The following CACNA2D3 variants were observed in gnomAD, a reference collection of about 807,000 sequenced individuals.
CACNA2D3 encodes calcium voltage-gated channel auxiliary subunit alpha2delta 3.
In CACNA2D3, 60 loss-of-function variants were observed where a neutral mutation model predicts 160.6. The ratio of observed to expected loss-of-function variants is 0.37; its 90% CI spans 0.30 to 0.46. The LOEUF (loss-of-function observed/expected upper bound fraction) is 0.46, where lower values mean the gene tolerates loss of function less well. Among genes scored for constraint, CACNA2D3 ranks in the 20% least tolerant of loss-of-function variants. CACNA2D3 has a pLI of 1.00. For synonymous variants in CACNA2D3, 558 were observed against 492.9 expected (o/e 1.13, Z -1.75); for missense variants, 1,205 against 1,365.0 (o/e 0.88, Z 1.85).
chr3:54,845,224 A>T (rs962100296), intron 16 of CACNA2D3, among the ~76,000 whole-genome samples: 4 of 152,244 alleles, frequency 2.6e-5, no homozygotes, highest in Admixed American at 1.3e-4. Context: ...AGTGCAACGG[A>T]AACTTTTAAT....
chr3:54,716,697 G>C (rs1363571090), intron 11 of CACNA2D3, among the ~76,000 whole-genome samples: 11 of 152,058 alleles, frequency 7.2e-5, no homozygotes, highest in Admixed American at 7.2e-4. Context: ...ATCAGTTTAG[G>C]AACAAAAGTA....
chr3:54,807,630 T>C (rs886971730), intron 13 of CACNA2D3, among the ~76,000 whole-genome samples: 1 of 151,506 alleles, frequency 6.6e-6, no homozygotes, highest in Non-Finnish European at 1.5e-5. Context: ...GTTCAACCAT[T>C]GTGGAAGTCA....
At chr3:54,289,757 A>G (rs1354919579) in intron 2 of CACNA2D3, among the ~76,000 whole-genome samples, 2 of 152,186 alleles carry the variant, frequency 1.3e-5, no homozygotes, top group Admixed American at 6.5e-5. Context: ...AATGCCGCAT[A>G]TCTACAACCA....
rs1473908220 is a variant in CACNA2D3 at position 54,838,492 on chromosome 3, G to A, written c.1471-76G>A. 4 of 1,170,906 alleles carry A rather than the reference G, an allele frequency of 3.4e-6. No homozygotes were observed. The East Asian group carries it at 7.0e-5, about 20-fold the overall frequency. 72.5% of individuals were successfully genotyped at this position (1,170,906 alleles called of 1,614,324 possible). On this transcript the variant is annotated intron_variant, in intron 15 of 37. Coordinates refer to ENST00000474759, the MANE Select transcript of CACNA2D3 (RefSeq NM_018398.3). ...GGGGAAGGCACCAGGCAGACGGTATGTGACTTCTCGTGAGATTCTATTTCT... is the reference window on the plus strand; with the variant it reads ...GGGGAAGGCACCAGGCAGACGGTATATGACTTCTCGTGAGATTCTATTTCT...
chr3:54,934,793 G>A (rs532280675), intron 27 of CACNA2D3, among the ~76,000 whole-genome samples: 16 of 152,178 alleles, frequency 1.1e-4, no homozygotes, highest in African/African-American at 2.9e-4. Flanking sequence ...GTGCAGTGGC[G>A]CTATCGTAGC....
rs138735874 is a variant in CACNA2D3 at position 54,740,707 on chromosome 3, A to G, written c.1168-11892A>G. Among the ~76,000 whole-genome samples, 338 of 152,304 alleles carry G rather than the reference A, an allele frequency of 2.2e-3. 1 individual carries two copies. Among genetic ancestry groups the G allele is most frequent in the African/African-American group, 7.7e-3 (321 of 41,564 alleles). ...TGAGTCCTTGACTTTTCTTACTGAC[A>G]GAAGTCCCAGAAGGCAGTAGGTGAG... On this transcript the variant is annotated intron_variant, in intron 11 of 37. Transcript: ENST00000474759.
intron 11 of CACNA2D3, among the ~76,000 whole-genome samples, chr3:54,748,233 C>G (rs1295728355): frequency 1.3e-5 from 2 of 152,184 alleles, no homozygotes; most frequent in African/African-American, 4.8e-5. Flanking sequence ...CTTCCTTCCC[C>G]TAATTTTAAT....
chr3:54,492,526 A>C (rs1391031150), intron 4 of CACNA2D3, among the ~76,000 whole-genome samples: 1 of 152,172 alleles, frequency 6.6e-6, no homozygotes. Context: ...CCCGGCCTGA[A>C]GAGTTGATTG....
chr3:54,211,105 T>A (rs1244124966), intron 2 of CACNA2D3, among the ~76,000 whole-genome samples: 1 of 152,190 alleles, frequency 6.6e-6, no homozygotes, highest in Non-Finnish European at 1.5e-5. Flanking sequence ...ATAATTGATA[T>A]TAGTTTATCC....
At chr3:54,914,536 C>T (rs1439247683) in intron 27 of CACNA2D3, among the ~76,000 whole-genome samples, 2 of 151,840 alleles carry the variant, frequency 1.3e-5, no homozygotes, top group Non-Finnish European at 2.9e-5. Flanking sequence ...TGGAGTAAAA[C>T]GTAGATATGA....
chr3:55,001,738 T>G (rs1702983373), intron 31 of CACNA2D3, among the ~76,000 whole-genome samples: 1 of 152,250 alleles, frequency 6.6e-6, no homozygotes, highest in Non-Finnish European at 1.5e-5. Flanking sequence ...TTAACAACGT[T>G]GGCACACTTA....
chr3:54,133,011 C>T (rs143751233), intron 2 of CACNA2D3, among the ~76,000 whole-genome samples: 2 of 152,204 alleles, frequency 1.3e-5, no homozygotes, highest in East Asian at 1.9e-4. Context: ...TTATTATTCT[C>T]AAGGAGTTGC....
At chr3:54,739,175 T>A (rs1701590616) in intron 11 of CACNA2D3, among the ~76,000 whole-genome samples, 1 of 151,038 alleles carries the variant, frequency 6.6e-6, no homozygotes, top group Non-Finnish European at 1.5e-5. Context: ...GTGGAGGCAC[T>A]TGGGGAGGCC....
At chr3:54,198,003 G>C (rs1701111297) in intron 2 of CACNA2D3, among the ~76,000 whole-genome samples, 1 of 152,198 alleles carries the variant, frequency 6.6e-6, no homozygotes, top group Non-Finnish European at 1.5e-5. Context: ...TGTGTCTTTG[G>C]ACGTGATGAA....
intron 35 of CACNA2D3, among the ~76,000 whole-genome samples, chr3:55,034,694 A>G (rs1251721221): frequency 6.6e-6 from 1 of 152,022 alleles, no homozygotes; most frequent in Non-Finnish European, 1.5e-5. Context: ...GCCTTTTTAA[A>G]CTTGAAATGT....
rs114176841 is a variant in CACNA2D3 at position 54,158,882 on chromosome 3, A to G, written c.204+35288A>G. 7.5e-3 allele frequency among the ~76,000 whole-genome samples: 1,146 copies of G among 152,314 alleles called. 11 individuals carry two copies. The highest frequency in any genetic ancestry group is 0.023 in the African/African-American group (959 of 41,582). ...TTTCATTTGTCCTACCTCTGTGCAC[A>G]TGAAATCGAACTCCCTGCCCTGCTG... On this transcript the variant is annotated intron_variant, in intron 2 of 37. Transcript: ENST00000474759.
At chr3:54,797,636 C>A (rs1331245725) in intron 13 of CACNA2D3, among the ~76,000 whole-genome samples, 2 of 152,124 alleles carry the variant, frequency 1.3e-5, no homozygotes, top group Non-Finnish European at 2.9e-5. Flanking sequence ...TGAGACATAG[C>A]AAAGCACAAA....
intron 35 of CACNA2D3, among the ~76,000 whole-genome samples, chr3:55,028,043 GCAGAAGTCTTTTCAGTCTT>G (rs1703602816): frequency 1.3e-5 from 2 of 152,200 alleles, no homozygotes; most frequent in South Asian, 2.1e-4. Context: ...TACCCATATA[GCAGAAGTCTTTTCAGTCTT>G]CAGAAGTCTT....
At chr3:54,748,016 GTT>G (rs2107059280) in intron 11 of CACNA2D3, among the ~76,000 whole-genome samples, 1 of 152,288 alleles carries the variant, frequency 6.6e-6, no homozygotes, top group Admixed American at 6.5e-5. Context: ...GGCAGAATTT[GTT>G]TTGTTTACCC....
Sources: allele counts gnomAD v4.1 joint callset (sites outside exome capture counted in the v4.1 genomes callset), GRCh38; gene constraint gnomAD v4.1.1; transcripts MANE v1.5; gene names NCBI Gene and HGNC (gene_info 2026-07-23, HGNC 2026-07-21).